Variants in ERC2 observed in about 807,000 individuals in gnomAD.
ERC2 encodes ERC protein 2.
In ERC2, 42 loss-of-function variants were observed where a neutral mutation model predicts 114.8. The ratio of observed to expected loss-of-function variants is 0.37; its 90% CI spans 0.29 to 0.47. The LOEUF (loss-of-function observed/expected upper bound fraction) is 0.47, where lower values mean the gene tolerates loss of function less well. ERC2 is among the 20% of genes least tolerant of loss of function. ERC2 has a pLI of 0.99. For missense variants in ERC2, 939 were observed against 1,150.7 expected, an observed-to-expected ratio of 0.82 and a Z score of 2.66; for synonymous variants, 454 against 425.5, an observed-to-expected ratio of 1.07 and a Z score of -0.82.
intron 13 of ERC2, among the ~76,000 whole-genome samples, chr3:55,910,577 C>A (rs911423735): frequency 3.9e-5 from 6 of 152,126 alleles, no homozygotes; most frequent in Non-Finnish European, 8.8e-5. Flanking sequence ...TACCCCAAAA[C>A]TAATTAACTA....
intron 17 of ERC2, among the ~76,000 whole-genome samples, chr3:55,629,545 A>G (rs923934345): frequency 6.6e-6 from 1 of 152,202 alleles, no homozygotes; most frequent in Admixed American, 6.5e-5. Flanking sequence ...AAATGACCAA[A>G]GTATCCTAAA....
At chr3:56,465,289 C>T (rs182978251) in intron 1 of ERC2, among the ~76,000 whole-genome samples, 9 of 152,226 alleles carry the variant, frequency 5.9e-5, no homozygotes, top group African/African-American at 2.2e-4. Flanking sequence ...ATCCCAGCTA[C>T]TTGGGAGGCT....
chr3:56,096,686 G>A (rs6807938), intron 6 of ERC2, among the ~76,000 whole-genome samples: 27,307 of 152,054 alleles, frequency 0.18, 2,626 homozygotes, highest in African/African-American at 0.23. Context: ...CGTTTATTAT[G>A]TACATTTATA....
At chr3:56,317,260 G>A (rs1016009434) in intron 2 of ERC2, among the ~76,000 whole-genome samples, 2 of 152,170 alleles carry the variant, frequency 1.3e-5, no homozygotes, top group Non-Finnish European at 2.9e-5. Context: ...TCCAGGCAGA[G>A]TGAAGGGCAC....
At chr3:55,812,985 C>A (rs1376451734) in intron 14 of ERC2, among the ~76,000 whole-genome samples, 2 of 152,230 alleles carry the variant, frequency 1.3e-5, no homozygotes, top group Non-Finnish European at 2.9e-5. Context: ...GAGTGCCAGG[C>A]ACTGTGTTAA....
chr3:56,032,913 A>AGAGAGAC (rs1560056241), intron 7 of ERC2, among the ~76,000 whole-genome samples: 5 of 68,700 alleles, frequency 7.3e-5, no homozygotes, highest in Non-Finnish European at 1.3e-4. Flanking sequence ...GAAAGAAAGA[A>AGAGAGAC]AGAAAGAAAG....
At chr3:56,291,428 G>A (rs929846302) in intron 3 of ERC2, among the ~76,000 whole-genome samples, 4 of 152,138 alleles carry the variant, frequency 2.6e-5, no homozygotes, top group African/African-American at 9.7e-5. Flanking sequence ...CAAAGAAGTG[G>A]TTTCACACTC....
At chr3:56,117,023 G>A (rs1002125594) in intron 6 of ERC2, among the ~76,000 whole-genome samples, 3 of 152,180 alleles carry the variant, frequency 2.0e-5, no homozygotes, top group Admixed American at 1.3e-4. Flanking sequence ...AGTTGAGAAG[G>A]TTTTGGAAGG....
At chr3:55,517,060 C>T (rs1156605280) in intron 17 of ERC2, among the ~76,000 whole-genome samples, 1 of 152,232 alleles carries the variant, frequency 6.6e-6, no homozygotes, top group Non-Finnish European at 1.5e-5. Context: ...CAAGCATTTC[C>T]TAAACCTGTC....
chr3:56,140,327 T>C (rs2080778713), intron 5 of ERC2, among the ~76,000 whole-genome samples: 1 of 152,196 alleles, frequency 6.6e-6, no homozygotes, highest in Non-Finnish European at 1.5e-5. Context: ...ATTTTGTGTT[T>C]ATTATTTCTT....
At chr3:56,252,961 G>C (rs1007367184) in intron 3 of ERC2, among the ~76,000 whole-genome samples, 2 of 152,142 alleles carry the variant, frequency 1.3e-5, no homozygotes, top group African/African-American at 4.8e-5. Context: ...GGGCACCCCA[G>C]GGAACCTATG....
chr3:56,089,762 T>C (rs2149782290), intron 6 of ERC2, among the ~76,000 whole-genome samples: 1 of 152,300 alleles, frequency 6.6e-6, no homozygotes, highest in South Asian at 2.1e-4. Flanking sequence ...TCAATCTCCC[T>C]TGCATATTGA....
intron 6 of ERC2, among the ~76,000 whole-genome samples, chr3:56,091,758 TC>T (rs2077805221): frequency 6.6e-6 from 1 of 152,196 alleles, no homozygotes; most frequent in Non-Finnish European, 1.5e-5. Flanking sequence ...TCTCTTCCTC[TC>T]ATAGTCATGG....
chr3:55,535,675 T>C (rs1409815255), intron 17 of ERC2, among the ~76,000 whole-genome samples: 1 of 152,130 alleles, frequency 6.6e-6, no homozygotes, highest in East Asian at 1.9e-4. Flanking sequence ...ATCTCCCCCA[T>C]CCTATGTGGA....
At chr3:56,402,084 G>T (rs56378533) in intron 2 of ERC2, among the ~76,000 whole-genome samples, 1 of 151,986 alleles carries the variant, frequency 6.6e-6, no homozygotes, top group East Asian at 1.9e-4. Flanking sequence ...CAGTATAGGG[G>T]AACCACCCCC....
chr3:55,514,225 C>T (rs62249157), intron 17 of ERC2, among the ~76,000 whole-genome samples: 4,745 of 152,152 alleles, frequency 0.031, 125 homozygotes, highest in Middle Eastern at 0.058. Context: ...GGCAAAAACC[C>T]GTCTCCACAA....
chr3:56,082,890 T>G (rs1011708082), intron 6 of ERC2, among the ~76,000 whole-genome samples: 8 of 152,082 alleles, frequency 5.3e-5, no homozygotes, highest in African/African-American at 1.7e-4. Context: ...ATCCCTCACA[T>G]GTGCAGTTCA....
At chr3:55,901,340 C>T (rs908322530) in intron 13 of ERC2, among the ~76,000 whole-genome samples, 1 of 152,180 alleles carries the variant, frequency 6.6e-6, no homozygotes, top group Admixed American at 6.5e-5. Flanking sequence ...GGGGTCTCCA[C>T]TTAGAGTCTC....
At chr3:56,259,835 C>T (rs569296420) in intron 3 of ERC2, among the ~76,000 whole-genome samples, 1 of 152,262 alleles carries the variant, frequency 6.6e-6, no homozygotes, top group African/African-American at 2.4e-5. Context: ...CCAAGCTGGG[C>T]TGCCTCCCAG....
Sources: gnomAD v4.1 joint callset for allele counts (sites outside exome capture counted in the v4.1 genomes callset) on GRCh38, gnomAD v4.1.1 for gene constraint, MANE v1.5 for transcripts, NCBI Gene and HGNC (gene_info 2026-07-23, HGNC 2026-07-21) for gene names.